The following APAF1 variants were observed in gnomAD, a reference collection of about 807,000 sequenced individuals.
The protein encoded by APAF1 is apoptotic peptidase activating factor 1.
APAF1 carries 91 observed loss-of-function variants against 152.4 expected under a neutral mutation model. That is an observed-to-expected ratio of 0.60 (90% CI 0.50 to 0.71). The LOEUF (loss-of-function observed/expected upper bound fraction) is 0.71. Among genes scored for constraint, APAF1 ranks in the 30% least tolerant of loss-of-function variants. APAF1 has a pLI of 0.00. For missense variants in APAF1, 1,283 were observed against 1,472.0 expected (o/e 0.87, Z 2.10); for synonymous variants, 484 against 494.1 (o/e 0.98, Z 0.27).
intron 9 of APAF1, 67 bp from the exon 10 acceptor site, chr12:98,667,446 T>G: frequency 6.3e-7 from 1 of 1,584,034 alleles, no homozygotes; most frequent in Non-Finnish European, 8.6e-7. Context: ...CTTTGGAAGC[T>G]GAAGTTACTG....
chr12:98,659,245 A>G lies in APAF1; in HGVS notation c.612A>G (p.Thr204=), dbSNP rs151139898. ...GLLMKLQNLC[T]RLDQDESFSQ... The stretch of plus-strand genomic sequence containing the variant: ...TGATGAAACTGCAGAATCTTTGCAC[A>G]CGGTTGGATCAGGATGAGAGTTTTT... The change falls in exon 5 of 27, where the codon ACA becomes ACG. Residue 204 remains threonine, a synonymous_variant. Coordinates refer to ENST00000551964, the MANE Select transcript of APAF1 (RefSeq NM_181861.2). The G allele has an allele frequency of 4.3e-6, 7 of 1,614,080 alleles. No individual in the cohort carries two copies. In the African/African-American group the frequency reaches 9.3e-5, roughly 22 times the overall value.
At chr12:98,666,030 T>C (rs2097672244) in intron 8 of APAF1, among the ~76,000 whole-genome samples, 160 bp from the exon 9 acceptor site, 1 of 152,222 alleles carries the variant, frequency 6.6e-6, no homozygotes. Flanking sequence ...CTTCTCTTTC[T>C]CTTTTCTATC....
At chr12:98,647,424 G>A (rs1427570325) in intron 1 of APAF1, among the ~76,000 whole-genome samples, 1 of 151,888 alleles carries the variant, frequency 6.6e-6, no homozygotes, top group East Asian at 1.9e-4. Flanking sequence ...CCAGGCTGGA[G>A]TACAGTAGAG....
intron 14 of APAF1, among the ~76,000 whole-genome samples, chr12:98,682,562 T>G (rs1380071924): frequency 6.6e-6 from 1 of 152,218 alleles, no homozygotes; most frequent in Non-Finnish European, 1.5e-5. Flanking sequence ...TGGGTTTCTC[T>G]CAGACTATAA....
At chr12:98,662,298 A>G (rs1205103721) in intron 5 of APAF1, among the ~76,000 whole-genome samples, 158 bp from the exon 6 acceptor site, 1 of 152,018 alleles carries the variant, frequency 6.6e-6, no homozygotes, top group Non-Finnish European at 1.5e-5. Context: ...TGAGAAGAGT[A>G]TAGCAAAGAG....
chr12:98,663,119 G>A (rs1207024877), intron 7 of APAF1, among the ~76,000 whole-genome samples: 6 of 152,116 alleles, frequency 3.9e-5, no homozygotes, highest in Non-Finnish European at 8.8e-5. Flanking sequence ...ACTTGTTTTT[G>A]CTTGGGATTT....
At chr12:98,704,111 A>G (rs2097718701) in intron 18 of APAF1, among the ~76,000 whole-genome samples, 3 of 152,028 alleles carry the variant, frequency 2.0e-5, no homozygotes, top group African/African-American at 4.8e-5. Context: ...TTTTCCTTCA[A>G]AGATGGATTA....
At chr12:98,682,749 G>A (rs2097693742) in intron 14 of APAF1, among the ~76,000 whole-genome samples, 1 of 152,120 alleles carries the variant, frequency 6.6e-6, no homozygotes, top group Admixed American at 6.5e-5. Flanking sequence ...TTAGGGATTT[G>A]TGACACACAA....
chr12:98,649,738 T>C, intron 4 of APAF1, 54 bp downstream of exon 4: 1 of 1,431,184 alleles, frequency 7.0e-7, no homozygotes, highest in Non-Finnish European at 9.7e-7. Context: ...CATGTAAAAA[T>C]ATTATGATAT....
At chr12:98,694,762 A>G (rs1306979904) in intron 16 of APAF1, among the ~76,000 whole-genome samples, 2 of 152,078 alleles carry the variant, frequency 1.3e-5, no homozygotes, top group Non-Finnish European at 2.9e-5. Context: ...TATCTTAGCT[A>G]TCTGATCCTT....
chr12:98,649,600 G>C lies in APAF1; in HGVS notation c.442G>C (p.Gly148Arg). 1.2e-6 allele frequency: 2 copies of C among 1,614,064 alleles called. No individual in the cohort carries two copies. The highest frequency in any genetic ancestry group is 1.7e-6 in the Non-Finnish European group (2 of 1,179,910). ...GCTCTCCAAATTGAAAGGTGAACCA[G>C]GATGGGTCACCATACATGGAATGGC... Reference protein sequence around the residue: ...QKLSKLKGEPGWVTIHGMAGC... With the variant: ...QKLSKLKGEPRWVTIHGMAGC... The change falls in exon 4 of 27, where the codon GGA becomes CGA. Residue 148 changes from glycine to arginine, a missense_variant. Transcript: ENST00000551964.
chr12:98,707,711 T>TATATATATATATATATAC lies in APAF1; in HGVS notation c.2722-873_2722-872insTATATATATATATATACA, dbSNP rs200051674. Among the ~76,000 whole-genome samples the TATATATATATATATATAC allele has an allele frequency of 4.7e-5, 7 of 149,996 alleles. No homozygotes were observed. The East Asian group carries it at 5.8e-4, about 13-fold the overall frequency. On this transcript the variant is annotated intron_variant, in intron 19 of 26. Coordinates refer to ENST00000551964, the MANE Select transcript of APAF1 (RefSeq NM_181861.2). Reference sequence around the variant, plus strand: ...AAAGTACTATATATATATATATATATACATATAAATTTACTAATTCTCACA... The same window carrying TATATATATATATATATAC: ...AAAGTACTATATATATATATATATATATATATATATATATATACACATATAAATTTACTAATTCTCACA...
Position 98,686,819 on chromosome 12 carries a change from A to G in APAF1, c.2250A>G (p.Arg750=), listed in dbSNP as rs778995599. The change falls in exon 16 of 27, where the codon AGA becomes AGG. Residue 750 remains arginine, a synonymous_variant. Coordinates refer to ENST00000551964, the MANE Select transcript of APAF1 (RefSeq NM_181861.2). ...ATACAAATTCAGTCAATCACTGCAG[A>G]TTTTCACCAGATGATAAGCTTTTGG... ...FGHTNSVNHC[R]FSPDDKLLAS... 1 of 1,613,970 alleles carries G rather than the reference A, an allele frequency of 6.2e-7. No individual in the cohort carries two copies. The highest frequency in any genetic ancestry group is 1.3e-5 in the African/African-American group (1 of 75,026).
intron 14 of APAF1, among the ~76,000 whole-genome samples, chr12:98,681,423 G>A (rs76114477): frequency 0.015 from 2,359 of 152,252 alleles, 45 homozygotes; most frequent in African/African-American, 0.039. Flanking sequence ...TCTACCAGGA[G>A]CATTTATACT....
intron 16 of APAF1, 150 bp downstream of exon 16, chr12:98,687,023 C>A: frequency 1.3e-6 from 1 of 795,892 alleles, no homozygotes. Context: ...ACTGTAATTG[C>A]TTATCGTAAT....
intron 16 of APAF1, among the ~76,000 whole-genome samples, chr12:98,692,006 A>G (rs1287711057): frequency 6.6e-6 from 1 of 152,046 alleles, no homozygotes. Flanking sequence ...TCACTTAAGT[A>G]ACATACCATG....
intron 12 of APAF1, among the ~76,000 whole-genome samples, chr12:98,674,492 A>G (rs1033352431): frequency 6.6e-5 from 10 of 152,080 alleles, no homozygotes; most frequent in Admixed American, 4.6e-4. Context: ...TACTGAAGCT[A>G]GATTAGATCT....
At chr12:98,683,728 G>C (rs2097694913) in intron 15 of APAF1, among the ~76,000 whole-genome samples, 1 of 152,190 alleles carries the variant, frequency 6.6e-6, no homozygotes, top group African/African-American at 2.4e-5. Context: ...GGTAACCCCA[G>C]TGGACAGTAG....
chr12:98,655,514 C>G (rs2097656077), intron 4 of APAF1, among the ~76,000 whole-genome samples: 1 of 152,220 alleles, frequency 6.6e-6, no homozygotes, highest in Non-Finnish European at 1.5e-5. Context: ...AGGGGCTCCT[C>G]ACTTCCCAGT....
Sources: gnomAD v4.1 joint callset for allele counts (sites outside exome capture counted in the v4.1 genomes callset) on GRCh38, gnomAD v4.1.1 for gene constraint, MANE v1.5 for transcripts, NCBI Gene and HGNC (gene_info 2026-07-23, HGNC 2026-07-21) for gene names.